The following AUTS2 variants were observed in gnomAD, a reference collection of about 807,000 sequenced individuals.
AUTS2 encodes activator of transcription and developmental regulator AUTS2.
AUTS2 carries 17 observed loss-of-function variants against 112.4 expected under a neutral mutation model. That is an observed-to-expected ratio of 0.15 (90% CI 0.10 to 0.23). The LOEUF (loss-of-function observed/expected upper bound fraction) is 0.23. AUTS2 is among the 10% of genes least tolerant of loss of function. The pLI is 1.00. For missense variants in AUTS2, 1,510 were observed against 1,701.6 expected (o/e 0.89, Z 1.98); for synonymous variants, 751 against 702.7 (o/e 1.07, Z -1.09).
chr7:70,707,618 A>G (rs1045688925), intron 6 of AUTS2, among the ~76,000 whole-genome samples: 20 of 152,130 alleles, frequency 1.3e-4, no homozygotes, highest in African/African-American at 4.3e-4. Flanking sequence ...ATACCTTCCC[A>G]AAGTATTTAA....
intron 2 of AUTS2, among the ~76,000 whole-genome samples, chr7:69,939,001 A>T (rs1229011869): frequency 6.6e-6 from 1 of 152,240 alleles, no homozygotes; most frequent in Non-Finnish European, 1.5e-5. Context: ...CTATAGATAT[A>T]TTTGATTTAA....
intron 2 of AUTS2, among the ~76,000 whole-genome samples, chr7:70,077,745 T>G (rs938755288): frequency 1.3e-5 from 2 of 152,040 alleles, no homozygotes; most frequent in African/African-American, 4.8e-5. Flanking sequence ...TCACCAAGAG[T>G]GGAAGCCATC....
At position 70,756,358 on chromosome 7, in the gene AUTS2, C is replaced by CAGT. The variant is rs564046200; in HGVS notation, c.743-6510_743-6508dup. On this transcript the variant is annotated intron_variant, in intron 6 of 18. Transcript: ENST00000342771. ...CTAGGAGGTTGTTACTGCATTTGTG[C>CAGT]AGTAAGTCATTGGACTTTTAGAAGT... is the stretch of plus-strand genomic sequence containing the variant. Among the ~76,000 whole-genome samples, 14 of 152,224 alleles carry CAGT rather than the reference C, an allele frequency of 9.2e-5. No individual in the cohort carries two copies. In the South Asian group the frequency reaches 2.9e-3, roughly 32 times the overall value.
At chr7:70,256,971 C>CA (rs1395691525) in intron 4 of AUTS2, among the ~76,000 whole-genome samples, 1 of 152,116 alleles carries the variant, frequency 6.6e-6, no homozygotes, top group African/African-American at 2.4e-5. Context: ...TATTGTGCCC[C>CA]AGCTATAATG....
Position 70,573,310 on chromosome 7 carries a change from C to T in AUTS2, c.691-125259C>T, listed in dbSNP as rs539185796. Among the ~76,000 whole-genome samples the T allele has an allele frequency of 5.9e-5, 9 of 152,322 alleles. No individual in the cohort carries two copies. In the South Asian group the frequency reaches 1.9e-3, roughly 32 times the overall value. On this transcript the variant is annotated intron_variant, in intron 5 of 18. Coordinates refer to ENST00000342771, the MANE Select transcript of AUTS2 (RefSeq NM_015570.4). ...AATGAGCTGGGAACGTCAATGCTGC[C>T]AAAGTTTACCTCGACCTGTCTTTCT...
At chr7:70,263,377 G>C (rs1787260613) in intron 4 of AUTS2, among the ~76,000 whole-genome samples, 1 of 152,184 alleles carries the variant, frequency 6.6e-6, no homozygotes, top group Non-Finnish European at 1.5e-5. Context: ...CATGATATTG[G>C]TATTTTTAAA....
At chr7:69,720,084 CAGAGA>C (rs1001375487) in intron 1 of AUTS2, among the ~76,000 whole-genome samples, 5 of 152,040 alleles carry the variant, frequency 3.3e-5, no homozygotes, top group African/African-American at 1.2e-4. Context: ...TAAGAAATGG[CAGAGA>C]AGAGTGTAAG....
chr7:70,219,573 C>CTT (rs1342047199), intron 4 of AUTS2, among the ~76,000 whole-genome samples: 16 of 137,882 alleles, frequency 1.2e-4, no homozygotes, highest in East Asian at 4.2e-4. Context: ...TTTTCTTTTC[C>CTT]TTTTTTTTTT....
intron 5 of AUTS2, among the ~76,000 whole-genome samples, chr7:70,622,036 C>A (rs1162125974): frequency 1.3e-5 from 2 of 151,452 alleles, no homozygotes; most frequent in Non-Finnish European, 2.9e-5. Flanking sequence ...TTAGTAGAGA[C>A]CCTGTTGGGC....
At chr7:69,830,768 C>A (rs1197786802) in intron 1 of AUTS2, among the ~76,000 whole-genome samples, 1 of 152,180 alleles carries the variant, frequency 6.6e-6, no homozygotes, top group Non-Finnish European at 1.5e-5. Context: ...AAATCGTTTT[C>A]TTTGGCTTGA....
At chr7:69,904,012 A>T (rs1466013945) in intron 2 of AUTS2, among the ~76,000 whole-genome samples, 1 of 152,212 alleles carries the variant, frequency 6.6e-6, no homozygotes, top group Non-Finnish European at 1.5e-5. Context: ...TAGGAAGAAG[A>T]GGAATCCATC....
At chr7:69,820,676 A>G (rs928893261) in intron 1 of AUTS2, among the ~76,000 whole-genome samples, 3 of 152,242 alleles carry the variant, frequency 2.0e-5, no homozygotes, top group African/African-American at 7.2e-5. Flanking sequence ...AGCAGGGATC[A>G]TCAAGGCAGT....
At chr7:70,081,052 G>A (rs1437154276) in intron 2 of AUTS2, among the ~76,000 whole-genome samples, 2 of 152,116 alleles carry the variant, frequency 1.3e-5, no homozygotes, top group Non-Finnish European at 2.9e-5. Context: ...AATGCGTGAG[G>A]ATTTATTTAT....
intron 2 of AUTS2, among the ~76,000 whole-genome samples, chr7:70,091,689 A>G (rs1225910524): frequency 6.6e-6 from 1 of 152,164 alleles, no homozygotes; most frequent in Non-Finnish European, 1.5e-5. Context: ...TGGCAGATGA[A>G]GGATAAGTGC....
chr7:69,727,911 T>C (rs1434570613), intron 1 of AUTS2, among the ~76,000 whole-genome samples: 1 of 152,222 alleles, frequency 6.6e-6, no homozygotes, highest in Non-Finnish European at 1.5e-5. Flanking sequence ...ACCCAGACCA[T>C]ACTTCATCCC....
chr7:70,087,626 C>G (rs1708327890), intron 2 of AUTS2, among the ~76,000 whole-genome samples: 1 of 152,112 alleles, frequency 6.6e-6, no homozygotes, highest in Non-Finnish European at 1.5e-5. Context: ...ACCTCGGCCT[C>G]CCAAAGTGCT....
chr7:70,116,136 A>G (rs554919202), intron 2 of AUTS2, among the ~76,000 whole-genome samples: 33 of 152,326 alleles, frequency 2.2e-4, no homozygotes, highest in African/African-American at 7.5e-4. Flanking sequence ...ATCTGAATTA[A>G]CTTAGAATGA....
chr7:70,046,276 A>C (rs1801499685), intron 2 of AUTS2, among the ~76,000 whole-genome samples: 1 of 152,166 alleles, frequency 6.6e-6, no homozygotes, highest in South Asian at 2.1e-4. Flanking sequence ...CTGTCTGTAT[A>C]ATAGGAAGTA....
At chr7:70,236,460 T>C (rs1038624971) in intron 4 of AUTS2, among the ~76,000 whole-genome samples, 1 of 152,202 alleles carries the variant, frequency 6.6e-6, no homozygotes, top group African/African-American at 2.4e-5. Context: ...TTTCAACCTT[T>C]TTGATAAGCT....
Sources: gnomAD v4.1 joint callset for allele counts (sites outside exome capture counted in the v4.1 genomes callset) on GRCh38, gnomAD v4.1.1 for gene constraint, MANE v1.5 for transcripts, NCBI Gene and HGNC (gene_info 2026-07-23, HGNC 2026-07-21) for gene names.